The following IRF8 variants were observed in gnomAD, a reference collection of about 807,000 sequenced individuals.
IRF8 encodes interferon regulatory factor 8.
In IRF8, 14 loss-of-function variants were observed where a neutral mutation model predicts 48.7. The observed-to-expected ratio is 0.29, with a 90% CI of 0.19 to 0.45. The LOEUF is 0.45. IRF8 is among the 20% of genes least tolerant of loss of function. IRF8 has a pLI of 1.00. For synonymous variants in IRF8, 278 were observed against 227.3 expected (o/e 1.22, Z -2.01); for missense variants, 493 against 580.7 (o/e 0.85, Z 1.55).
intron 2 of IRF8, among the ~76,000 whole-genome samples, chr16:85,904,499 C>T (rs1360891801): frequency 1.3e-5 from 2 of 152,188 alleles, no homozygotes; most frequent in African/African-American, 2.4e-5. Context: ...GCATTTTGGT[C>T]CTGCACGTCT....
chr16:85,899,629 A>C (rs752329120), intron 1 of IRF8, among the ~76,000 whole-genome samples: 1 of 152,176 alleles, frequency 6.6e-6, no homozygotes, highest in Admixed American at 6.5e-5. Context: ...GGAACTGCCC[A>C]ATAACCAGTC....
chr16:85,911,538 A>C (rs1905141920), intron 3 of IRF8, 32 bp from the exon 4 acceptor site: 2 of 1,580,292 alleles, frequency 1.3e-6, no homozygotes, highest in Non-Finnish European at 1.7e-6. Context: ...CCTCCGTGCC[A>C]TGTGTCATGG....
chr16:85,904,219 A>G (rs907959885), intron 2 of IRF8, among the ~76,000 whole-genome samples: 1 of 151,930 alleles, frequency 6.6e-6, no homozygotes, highest in Admixed American at 6.6e-5. Context: ...AGCCATTGCC[A>G]TGTGTGCTTA....
rs760910506 is a variant in IRF8, at chr16:85,918,488, G to A, written c.673G>A (p.Glu225Lys). 4.0e-5 allele frequency: 64 copies of A among 1,591,730 alleles called. No individual in the cohort carries two copies. The highest frequency in any genetic ancestry group is 2.1e-4 in the Middle Eastern group (1 of 4,670). Residue 225 changes from glutamate to lysine, a missense_variant, in exon 7 of 9, where the codon GAG becomes AAG. Around this residue, in one of 3 missense-constraint regions of IRF8, gnomAD observed 408 missense variants for 449.6 expected, o/e 0.91. Coordinates refer to ENST00000268638, the MANE Select transcript of IRF8 (RefSeq NM_002163.4). ...GGGCCAGGCCACCACCACCTGCCCC[G>A]AGGGCTGCCGCCTGTCCCTGAGCCA... ...LVGQATTTCP[E>K]GCRLSLSQPG... is the part of the protein sequence containing the mutation.
In IRF8 at chr16:85,921,279, C is replaced by CT. The variant is rs1567479117; in HGVS notation, c.1279dup (p.Ter427LeufsTer43). On this transcript the variant is annotated frameshift_variant, in exon 9 of 9. Coordinates refer to ENST00000268638, the MANE Select transcript of IRF8 (RefSeq NM_002163.4). LOFTEE classifies it high-confidence loss of function. ...TCAGAGAAAACCAACAGATCACCGT[C>CT]TAAGTGCGTCGCTTGGGCGCCCCAC... 1 of 1,613,644 alleles carries CT rather than the reference C, an allele frequency of 6.2e-7. No homozygotes were observed. The highest frequency in any genetic ancestry group is 1.7e-5 in the Admixed American group (1 of 60,014).
rs578058071 is a variant in IRF8, at chr16:85,910,780, A to G, written c.359-790A>G. On this transcript the variant is annotated intron_variant, in intron 3 of 8. Transcript: ENST00000268638. Reference sequence around the variant, plus strand: ...CCCACCTGCTCCCTACTTCCCCATCAGTAGCTTCTCAGTGAATTCTTTAAT... The same window carrying G: ...CCCACCTGCTCCCTACTTCCCCATCGGTAGCTTCTCAGTGAATTCTTTAAT... Among the ~76,000 whole-genome samples the G allele has an allele frequency of 4.1e-4, 62 of 152,368 alleles. 1 individual carries two copies. The highest frequency in any genetic ancestry group is 1.4e-3 in the African/African-American group (58 of 41,588).
chr16:85,902,754 C>G (rs1359715359), intron 1 of IRF8: 6 of 519,916 alleles, frequency 1.2e-5, no homozygotes, highest in Non-Finnish European at 1.7e-5. Flanking sequence ...GCACAGCCAG[C>G]ACAGTGGGAG....
chr16:85,900,606 G>A (rs1010567273), intron 1 of IRF8, among the ~76,000 whole-genome samples: 1 of 152,216 alleles, frequency 6.6e-6, no homozygotes, highest in Non-Finnish European at 1.5e-5. Context: ...ATAAGCTGCC[G>A]CTGGCGTTGG....
At chr16:85,918,364 G>A (rs1317241933) in intron 6 of IRF8, 53 bp from the exon 7 acceptor site, 2 of 1,572,356 alleles carry the variant, frequency 1.3e-6, no homozygotes, top group Admixed American at 3.5e-5. Flanking sequence ...TTGGGCAGGA[G>A]GGACCCTGTA....
At position 85,918,334 on chromosome 16, in the gene IRF8, G is replaced by A. The variant is rs192455209; in HGVS notation, c.602-83G>A. The A allele has an allele frequency of 8.1e-6, 12 of 1,479,872 alleles. No individual in the cohort carries two copies. The South Asian group carries it at 1.0e-4, about 13-fold the overall frequency. The allele number at this position is 1,479,872 out of a possible 1,614,324, so 91.7% of individuals were successfully genotyped here. A position where few individuals can be genotyped will look rare whatever the true frequency, so the allele number is the denominator to read the frequency against. ...GACACACAAAGAGTTACCCGTGTAG[G>A]TGTGAGACAGACTGTGCACTTGGGC... is the stretch of plus-strand genomic sequence containing the variant. On this transcript the variant is annotated intron_variant, in intron 6 of 8. Coordinates refer to ENST00000268638, the MANE Select transcript of IRF8 (RefSeq NM_002163.4).
intron 2 of IRF8, 152 bp from the exon 3 acceptor site, chr16:85,908,838 T>C (rs763168254): frequency 1.5e-5 from 11 of 748,800 alleles, no homozygotes; most frequent in East Asian, 5.1e-5. Context: ...AGACATCTGA[T>C]TGGAGTCTCT....
At chr16:85,904,885 T>C (rs900596288) in intron 2 of IRF8, among the ~76,000 whole-genome samples, 7 of 145,482 alleles carry the variant, frequency 4.8e-5, no homozygotes, top group African/African-American at 1.8e-4. Context: ...ATGTAAACAG[T>C]GCCAGAGTCC....
At chr16:85,915,002 C>T (rs991818466) in intron 6 of IRF8, among the ~76,000 whole-genome samples, 12 of 152,226 alleles carry the variant, frequency 7.9e-5, no homozygotes, top group African/African-American at 1.9e-4. Context: ...TCTGTCCCAG[C>T]GCTGCCTCTC....
chr16:85,912,223 T>C (rs574676337), intron 4 of IRF8, among the ~76,000 whole-genome samples: 95 of 152,330 alleles, frequency 6.2e-4, no homozygotes, highest in Admixed American at 1.6e-3. Context: ...GGGGCCTCCT[T>C]AGGCAAGAAT....
intron 1 of IRF8, 123 bp from the exon 2 acceptor site, chr16:85,902,891 TG>T: frequency 9.8e-7 from 1 of 1,019,612 alleles, no homozygotes; most frequent in Admixed American, 1.7e-5. Context: ...CCTGAATCTG[TG>T]GGTTTCCCCC....
intron 2 of IRF8, among the ~76,000 whole-genome samples, chr16:85,907,566 T>A (rs1311537212): frequency 6.6e-6 from 1 of 152,142 alleles, no homozygotes; most frequent in Non-Finnish European, 1.5e-5. Context: ...TAGTCCCAGC[T>A]ACTTGGGAGG....
rs305085 is a variant in IRF8 at position 85,899,637 on chromosome 16, G to A, written c.-2+414G>A. On this transcript the variant is annotated intron_variant, in intron 1 of 8. Transcript: ENST00000268638. ...GAGTTGTGGAACTGCCCAATAACCA[G>A]TCGTTACTGAGGGTTAGTTTGTGAA... 5.6e-3 allele frequency among the ~76,000 whole-genome samples: 846 copies of A among 152,254 alleles called. 14 individuals carry two copies. Among genetic ancestry groups the A allele is most frequent in the African/African-American group, 0.019 (804 of 41,532 alleles).
At chr16:85,914,587 C>T in intron 6 of IRF8, 67 bp downstream of exon 6, 2 of 1,579,990 alleles carry the variant, frequency 1.3e-6, no homozygotes, top group Non-Finnish European at 1.7e-6. Flanking sequence ...ATAACCCAAG[C>T]AGGGTTGCGG....
intron 8 of IRF8, among the ~76,000 whole-genome samples, chr16:85,920,681 C>A (rs16940007): frequency 6.6e-6 from 1 of 152,156 alleles, no homozygotes; most frequent in Non-Finnish European, 1.5e-5. Flanking sequence ...ATGCGGGAAG[C>A]GGATTCTTGC....
Sources: allele counts gnomAD v4.1 joint callset (sites outside exome capture counted in the v4.1 genomes callset), GRCh38; gene constraint gnomAD v4.1.1; regional missense constraint gnomAD v4.1.1; transcripts MANE v1.5; gene names NCBI Gene and HGNC (gene_info 2026-07-23, HGNC 2026-07-21).